Variants in VPS13D observed in about 807,000 individuals in gnomAD.
VPS13D encodes the protein vacuolar protein sorting 13 homolog D.
Under a neutral mutation model 461.9 loss-of-function variants are expected in VPS13D, and 187 were observed. The ratio of observed to expected loss-of-function variants is 0.40; its 90% CI spans 0.36 to 0.46. The LOEUF is 0.46. Ranked by LOEUF, VPS13D falls within the 20% of genes least tolerant of loss-of-function variation. VPS13D has a pLI of 0.60. For synonymous variants in VPS13D, 1,951 were observed against 1,986.3 expected (o/e 0.98, Z 0.47); for missense variants, 4,711 against 5,364.9 (o/e 0.88, Z 3.81).
chr1:12,352,724 G>T (rs1311312347), intron 46 of VPS13D, among the ~76,000 whole-genome samples: 1 of 152,050 alleles, frequency 6.6e-6, no homozygotes. Context: ...CAGCACTTTG[G>T]GAGGCCAAGG....
At chr1:12,352,028 G>A (rs1207519476) in intron 46 of VPS13D, among the ~76,000 whole-genome samples, 1 of 151,060 alleles carries the variant, frequency 6.6e-6, no homozygotes, top group Non-Finnish European at 1.5e-5. Context: ...AGTGGCTCAC[G>A]GCTATAATCC....
intron 24 of VPS13D, among the ~76,000 whole-genome samples, chr1:12,296,819 G>A (rs1332721446): frequency 6.6e-6 from 1 of 152,152 alleles, no homozygotes; most frequent in Admixed American, 6.5e-5. Context: ...TACATGTGTG[G>A]TTGAAACAGT....
intron 65 of VPS13D, among the ~76,000 whole-genome samples, chr1:12,454,336 G>A (rs1027216587): frequency 1.3e-5 from 2 of 152,228 alleles, no homozygotes; most frequent in Non-Finnish European, 2.9e-5. Context: ...GTGATTCACG[G>A]TGCTAGCTTT....
In VPS13D at chr1:12,403,979, C is replaced by T. The variant is rs755956918; in HGVS notation, c.12030+6C>T. 6.4e-7 allele frequency: 1 copy of T among 1,573,106 alleles called. No individual in the cohort carries two copies. Among genetic ancestry groups the T allele is most frequent in the Non-Finnish European group, 8.6e-7 (1 of 1,165,394 alleles). On this transcript the variant is annotated splice_donor_region_variant and intron_variant, in intron 63 of 69. Coordinates refer to ENST00000620676, the MANE Select transcript of VPS13D (RefSeq NM_015378.4). ...AGCTCCCATTGGATCTTAAGGTGAG[C>T]TGCTATTTGGGTAAATTTTTTTAGA...
In VPS13D at chr1:12,260,650, C is replaced by T. The variant is rs199791415; in HGVS notation, c.1111-43C>T. On this transcript the variant is annotated intron_variant, in intron 10 of 69. Coordinates refer to ENST00000620676, the MANE Select transcript of VPS13D (RefSeq NM_015378.4). The stretch of plus-strand genomic sequence containing the variant: ...GTGTCCAGTGTCTCTGGATCTACAA[C>T]GTTTGTGTTTTTGTTTATTTGCTTT... 4.8e-5 allele frequency: 75 copies of T among 1,556,980 alleles called. 1 individual carries two copies. Among genetic ancestry groups the T allele is most frequent in the East Asian group, 4.5e-5 (2 of 44,342 alleles).
intron 67 of VPS13D, among the ~76,000 whole-genome samples, chr1:12,491,640 G>A (rs570626888): frequency 1.3e-4 from 20 of 152,292 alleles, no homozygotes; most frequent in African/African-American, 4.8e-4. Flanking sequence ...GCCAGATGCA[G>A]GCACACTCTG....
intron 47 of VPS13D, among the ~76,000 whole-genome samples, chr1:12,354,532 T>C (rs1356873735): frequency 6.6e-6 from 1 of 151,850 alleles, no homozygotes. Context: ...AGACCCTGTC[T>C]CTTAAAAAAA....
intron 37 of VPS13D, among the ~76,000 whole-genome samples, chr1:12,330,957 C>T (rs1643313884): frequency 6.6e-6 from 1 of 152,140 alleles, no homozygotes; most frequent in Admixed American, 6.6e-5. Flanking sequence ...TATATTCTGC[C>T]CTACCTGCTC....
intron 46 of VPS13D, among the ~76,000 whole-genome samples, chr1:12,352,393 C>G (rs1257553943): frequency 6.6e-6 from 1 of 152,058 alleles, no homozygotes; most frequent in East Asian, 1.9e-4. Flanking sequence ...TACAGATCAA[C>G]AATAAAAAGA....
At chr1:12,480,826 G>A (rs1038260256) in intron 67 of VPS13D, among the ~76,000 whole-genome samples, 1 of 152,238 alleles carries the variant, frequency 6.6e-6, no homozygotes, top group Non-Finnish European at 1.5e-5. Flanking sequence ...AGTGCTTTAT[G>A]TAACATGCAG....
chr1:12,437,327 G>C (rs1479003934), intron 65 of VPS13D, among the ~76,000 whole-genome samples: 2 of 152,098 alleles, frequency 1.3e-5, no homozygotes, highest in Non-Finnish European at 2.9e-5. Flanking sequence ...GAAAGGAAAA[G>C]GCCTTTAGAC....
intron 42 of VPS13D, among the ~76,000 whole-genome samples, chr1:12,343,626 C>T (rs557947858): frequency 1.3e-4 from 20 of 152,328 alleles, no homozygotes; most frequent in Admixed American, 5.2e-4. Flanking sequence ...TCTCTCACCT[C>T]GGCCTCCCAA....
intron 23 of VPS13D, 96 bp downstream of exon 23, chr1:12,291,220 T>G: frequency 1.4e-6 from 2 of 1,397,528 alleles, no homozygotes; most frequent in South Asian, 1.4e-5. Flanking sequence ...CTTTTAAAAA[T>G]TTTTACCTTC....
chr1:12,385,941 T>C (rs1005221644), intron 59 of VPS13D, among the ~76,000 whole-genome samples: 1 of 152,168 alleles, frequency 6.6e-6, no homozygotes, highest in African/African-American at 2.4e-5. Context: ...AGTCCTTTGA[T>C]AGAGGTATCA....
At chr1:12,289,917 C>T (rs985775712) in intron 22 of VPS13D, among the ~76,000 whole-genome samples, 5 of 151,818 alleles carry the variant, frequency 3.3e-5, no homozygotes, top group African/African-American at 9.7e-5. Flanking sequence ...GCCTGGGCGA[C>T]AGAGTGAGAC....
chr1:12,494,971 G>A (rs1374556966), intron 67 of VPS13D, among the ~76,000 whole-genome samples: 1 of 152,150 alleles, frequency 6.6e-6, no homozygotes, highest in Non-Finnish European at 1.5e-5. Flanking sequence ...TATCCTGACT[G>A]CTGCTCTACC....
intron 51 of VPS13D, 25 bp downstream of exon 51, chr1:12,362,875 G>T: frequency 1.2e-6 from 2 of 1,613,682 alleles, no homozygotes; most frequent in South Asian, 1.1e-5. Context: ...TTTGAAGGAT[G>T]AGAGTGCCTA....
intron 50 of VPS13D, among the ~76,000 whole-genome samples, chr1:12,361,356 AT>A (rs941331166): frequency 6.7e-6 from 1 of 149,922 alleles, no homozygotes; most frequent in East Asian, 1.9e-4. Flanking sequence ...ATCCCACTGA[AT>A]TTTTTATTTT....
chr1:12,403,757 A>T, intron 62 of VPS13D, 68 bp from the exon 63 acceptor site: 3 of 1,444,436 alleles, frequency 2.1e-6, no homozygotes, highest in South Asian at 1.5e-5. Context: ...TGTGAATACA[A>T]AGTGGATTCT....
Sources: gnomAD v4.1 joint callset for allele counts (sites outside exome capture counted in the v4.1 genomes callset) on GRCh38, gnomAD v4.1.1 for gene constraint, MANE v1.5 for transcripts, NCBI Gene and HGNC (gene_info 2026-07-23, HGNC 2026-07-21) for gene names.